The following MYO9A variants were observed in gnomAD, a reference collection of about 807,000 sequenced individuals.
MYO9A encodes unconventional myosin-IXa.
Under a neutral mutation model 293.3 loss-of-function variants are expected in MYO9A, and 103 were observed. The observed-to-expected ratio is 0.35, with a 90% CI of 0.30 to 0.41. MYO9A has a LOEUF of 0.41. MYO9A is among the 10% of genes least tolerant of loss of function. The pLI, the probability that MYO9A is intolerant of heterozygous loss-of-function variation, is 1.00. For missense variants in MYO9A, 2,685 were observed against 3,033.0 expected, an observed-to-expected ratio of 0.89 and a Z score of 2.69; for synonymous variants, 1,001 against 1,035.7, an observed-to-expected ratio of 0.97 and a Z score of 0.64.
At chr15:71,880,283 G>C in intron 29 of MYO9A, 52 bp downstream of exon 29, 1 of 1,446,204 alleles carries the variant, frequency 6.9e-7, no homozygotes, top group Non-Finnish European at 9.7e-7. Flanking sequence ...ATATACACAA[G>C]TATTCCATAC....
At chr15:71,925,409 A>G (rs1316057389) in intron 18 of MYO9A, among the ~76,000 whole-genome samples, 4 of 151,016 alleles carry the variant, frequency 2.6e-5, no homozygotes, top group Admixed American at 6.6e-5. Context: ...ACGTATATAC[A>G]TATCTATGTA....
intron 3 of MYO9A, among the ~76,000 whole-genome samples, chr15:72,029,010 G>T (rs1338139434): frequency 6.6e-6 from 1 of 152,150 alleles, no homozygotes; most frequent in African/African-American, 2.4e-5. Flanking sequence ...CAATGACCAG[G>T]ATATTATGCG....
At chr15:72,039,378 GA>G (rs1190650011) in intron 2 of MYO9A, among the ~76,000 whole-genome samples, 4 of 151,766 alleles carry the variant, frequency 2.6e-5, no homozygotes, top group African/African-American at 9.7e-5. Context: ...AAACTTTAAG[GA>G]AAAAAATTTA....
intron 11 of MYO9A, among the ~76,000 whole-genome samples, chr15:71,983,804 T>C (rs1448055641): frequency 1.3e-5 from 2 of 152,210 alleles, no homozygotes; most frequent in African/African-American, 2.4e-5. Context: ...ATTTAAGCCA[T>C]AAAAGTTATT....
intron 30 of MYO9A, 146 bp from the exon 31 acceptor site, chr15:71,878,377 T>C (rs1206074206): frequency 3.9e-6 from 2 of 511,900 alleles, no homozygotes. Context: ...TGAGGTCATG[T>C]GGTATTTGTA....
Position 71,916,430 on chromosome 15 carries a change from G to C in MYO9A, c.2625C>G (p.Thr875=), listed in dbSNP as rs764874108. 2.5e-6 allele frequency: 4 copies of C among 1,613,498 alleles called. No individual in the cohort carries two copies. Among genetic ancestry groups the C allele is most frequent in the South Asian group, 2.2e-5 (2 of 91,006 alleles). ...TCTTGTGTAAATGAAGAAGAGACTTGGTAATGCGATCTTGTAGTGTCAGTC... is the reference window on the plus strand; with the variant it reads ...TCTTGTGTAAATGAAGAAGAGACTTCGTAATGCGATCTTGTAGTGTCAGTC... The part of the protein sequence containing the change: ...LTRLTLQDRI[T]KSLLHLHKKK... Residue 875 remains threonine, a synonymous_variant, in exon 19 of 42, where the codon ACC becomes ACG. Coordinates refer to ENST00000356056, the MANE Select transcript of MYO9A (RefSeq NM_006901.4).
At chr15:72,084,049 T>A (rs2079635209) in intron 1 of MYO9A, among the ~76,000 whole-genome samples, 1 of 152,206 alleles carries the variant, frequency 6.6e-6, no homozygotes, top group South Asian at 2.1e-4. Context: ...GAATATCTGT[T>A]AATTTTCTGC....
intron 18 of MYO9A, 60 bp downstream of exon 18, chr15:71,933,610 G>A: frequency 2.1e-6 from 3 of 1,411,196 alleles, no homozygotes; most frequent in South Asian, 2.4e-5. Flanking sequence ...GATTGTATGA[G>A]TAATAAAAAA....
At chr15:72,066,389 G>A (rs1198579345) in intron 1 of MYO9A, among the ~76,000 whole-genome samples, 1 of 151,950 alleles carries the variant, frequency 6.6e-6, no homozygotes, top group Non-Finnish European at 1.5e-5. Flanking sequence ...AGGAGGCTGA[G>A]GCAGGGGAAT....
At chr15:71,906,068 A>G (rs1402667806) in intron 19 of MYO9A, among the ~76,000 whole-genome samples, 2 of 152,162 alleles carry the variant, frequency 1.3e-5, no homozygotes, top group Non-Finnish European at 2.9e-5. Flanking sequence ...TTAAAATATT[A>G]TAAAATTTTC....
intron 40 of MYO9A, among the ~76,000 whole-genome samples, chr15:71,829,060 GTTC>G (rs1443793440): frequency 2.6e-5 from 4 of 152,120 alleles, no homozygotes; most frequent in East Asian, 1.9e-4. Context: ...GACTCTGCTC[GTTC>G]TTCTTTCTTT....
At chr15:71,876,211 G>T (rs2056679298) in intron 31 of MYO9A, among the ~76,000 whole-genome samples, 1 of 149,110 alleles carries the variant, frequency 6.7e-6, no homozygotes, top group South Asian at 2.1e-4. Context: ...AATTGGTGCA[G>T]TCTAGGCTCA....
At chr15:71,976,164 G>A (rs1453056044) in intron 12 of MYO9A, among the ~76,000 whole-genome samples, 1 of 152,142 alleles carries the variant, frequency 6.6e-6, no homozygotes, top group South Asian at 2.1e-4. Flanking sequence ...GGTAGACAGT[G>A]TCAAATCTGA....
chr15:71,878,869 G>GC (rs2056783206), intron 30 of MYO9A, among the ~76,000 whole-genome samples: 1 of 149,880 alleles, frequency 6.7e-6, no homozygotes, highest in Admixed American at 6.8e-5. Context: ...CCATTCTCCT[G>GC]CCTCAGCCTC....
At chr15:72,096,026 T>G (rs576397844) in intron 1 of MYO9A, among the ~76,000 whole-genome samples, 10 of 152,018 alleles carry the variant, frequency 6.6e-5, no homozygotes, top group Admixed American at 6.6e-4. Flanking sequence ...CTGGGCATGG[T>G]GGTGGGAGCC....
At chr15:71,988,051 G>C (rs551363022) in intron 11 of MYO9A, among the ~76,000 whole-genome samples, 2 of 152,162 alleles carry the variant, frequency 1.3e-5, no homozygotes, top group African/African-American at 4.8e-5. Context: ...GTCTAATCTA[G>C]ACTTCTAGAA....
At chr15:72,071,137 T>C (rs1567007801) in intron 1 of MYO9A, among the ~76,000 whole-genome samples, 1 of 152,108 alleles carries the variant, frequency 6.6e-6, no homozygotes, top group Non-Finnish European at 1.5e-5. Flanking sequence ...GTAGAAAATA[T>C]ATGCAAACTA....
chr15:71,838,853 C>G (rs1261583572), intron 39 of MYO9A, among the ~76,000 whole-genome samples: 1 of 152,182 alleles, frequency 6.6e-6, no homozygotes, highest in African/African-American at 2.4e-5. Context: ...TAAACTAGCA[C>G]TGAATTCATT....
chr15:72,008,042 C>T lies in MYO9A; in HGVS notation c.1254-90G>A. On this transcript the variant is annotated intron_variant, in intron 7 of 41. Coordinates refer to ENST00000356056, the MANE Select transcript of MYO9A (RefSeq NM_006901.4). ...AATTCTAGTTAAGCAAATTAACCTA[C>T]AAATATGAAGTATTTAGTCTTTGGA... 7.7e-6 allele frequency: 11 copies of T among 1,435,280 alleles called. No individual in the cohort carries two copies. The South Asian group carries it at 1.4e-4, about 18-fold the overall frequency. 88.9% of individuals were successfully genotyped at this position (1,435,280 alleles called of 1,614,324 possible). A position where few individuals can be genotyped will look rare whatever the true frequency, so the allele number is the denominator to read the frequency against.
Sources: allele counts gnomAD v4.1 joint callset (sites outside exome capture counted in the v4.1 genomes callset), GRCh38; gene constraint gnomAD v4.1.1; transcripts MANE v1.5; gene names NCBI Gene and HGNC (gene_info 2026-07-23, HGNC 2026-07-21).